KIF2C: variants seen among roughly 807,000 people sequenced by gnomAD.
The protein encoded by KIF2C is kinesin family member 2C, also known as kinesin-like protein KIF2C.
KIF2C carries 34 observed loss-of-function variants against 97.4 expected under a neutral mutation model. The observed-to-expected ratio is 0.35, with a 90% CI of 0.27 to 0.46. The LOEUF (loss-of-function observed/expected upper bound fraction) is 0.46, where lower values mean the gene tolerates loss of function less well. Among genes scored for constraint, KIF2C ranks in the 20% least tolerant of loss-of-function variants. The pLI is 1.00. For missense variants in KIF2C, 750 were observed against 907.6 expected (o/e 0.83, Z 2.23); for synonymous variants, 313 against 318.2 (o/e 0.98, Z 0.17).
In KIF2C at chr1:44,759,253, C is replaced by T. The variant is rs76314761; in HGVS notation, c.1272C>T (p.Asp424=). 3,425 of 1,614,134 alleles carry T rather than the reference C, an allele frequency of 2.1e-3. 115 individuals carry two copies. In the East Asian group the frequency reaches 0.069, roughly 33 times the overall value. Residue 424 remains aspartate (D), a synonymous_variant, in exon 14 of 21, where the codon GAC becomes GAT. Transcript: ENST00000372224. ...AGGCCAAGCTGCGCGTGCTGGAGGA[C>T]GGCAAGCAACAGGTGCAAGTGGTGG... The part of the protein sequence containing the change: ...NKKAKLRVLE[D]GKQQVQVVGL...
rs1385305291 is a variant in KIF2C, at chr1:44,756,244, C to T, written c.977+7C>T. On this transcript the variant is annotated splice_region_variant and intron_variant, in intron 10 of 20. Coordinates refer to ENST00000372224, the MANE Select transcript of KIF2C (RefSeq NM_006845.4). ...CGAATGAAGTTGTCTACAGGTTAGT[C>T]CCTTGCATCCATTTTTCCCTCCTTG... is the stretch of plus-strand genomic sequence containing the variant. The T allele has an allele frequency of 6.8e-6, 11 of 1,612,174 alleles. No homozygotes were observed. The highest frequency in any genetic ancestry group is 1.1e-5 in the South Asian group (1 of 91,056).
Position 44,757,787 on chromosome 1 carries a change from G to C in KIF2C, c.1069-121G>C, listed in dbSNP as rs1055776979. The C allele has an allele frequency of 2.4e-4, 277 of 1,171,184 alleles. 2 individuals carry two copies. The South Asian group carries it at 2.8e-3, about 12-fold the overall frequency. 72.5% of individuals were successfully genotyped at this position (1,171,184 alleles called of 1,614,324 possible). A position where few individuals can be genotyped will look rare whatever the true frequency, so the allele number is the denominator to read the frequency against. The stretch of plus-strand genomic sequence containing the variant: ...AGATAGCCTTGCCATGTCAGATGCA[G>C]GGAGGGGCTTTAGGTCCAGCCTTCT... On this transcript the variant is annotated intron_variant, in intron 11 of 20. Transcript: ENST00000372224.
At chr1:44,766,983 T>C (rs1275980420) in intron 20 of KIF2C, 34 bp downstream of exon 20, 5 of 1,613,354 alleles carry the variant, frequency 3.1e-6, no homozygotes, top group African/African-American at 2.7e-5. Flanking sequence ...AGGTGGACGA[T>C]GGTGGCCTCT....
chr1:44,754,960 A>AT, intron 8 of KIF2C, 115 bp downstream of exon 8: 4 of 659,754 alleles, frequency 6.1e-6, no homozygotes, highest in Admixed American at 2.9e-5. Flanking sequence ...GGGTTTTATT[A>AT]TTATTTTTTT....
At chr1:44,748,654 CCTCAGCCTCCCAT>C (rs1378794176) in intron 4 of KIF2C, among the ~76,000 whole-genome samples, 1 of 152,118 alleles carries the variant, frequency 6.6e-6, no homozygotes, top group Non-Finnish European at 1.5e-5. Flanking sequence ...AATCCTCCCA[CCTCAGCCTCCCAT>C]GTAGCTGGGA....
chr1:44,761,093 A>G lies in KIF2C; in HGVS notation c.1683+391A>G, dbSNP rs1007248035. 21 of 218,668 alleles carry G rather than the reference A, an allele frequency of 9.6e-5. 1 individual carries two copies. The highest frequency in any genetic ancestry group is 2.8e-5 in the Non-Finnish European group (3 of 108,126). The allele number at this position is 218,668 out of a possible 1,614,324, so 13.5% of individuals were successfully genotyped here. A position where few individuals can be genotyped will look rare whatever the true frequency, so the allele number is the denominator to read the frequency against. ...CTAGAAAATAGAAATAGCCTGGATC[A>G]TAAGGCTGTGTCCTTGAATGACGTC... On this transcript the variant is annotated intron_variant, in intron 16 of 20. Transcript: ENST00000372224.
chr1:44,741,755 G>A (rs1648946299), intron 2 of KIF2C, among the ~76,000 whole-genome samples: 1 of 152,038 alleles, frequency 6.6e-6, no homozygotes, highest in African/African-American at 2.4e-5. Context: ...TTGGGAGGCC[G>A]AGGTGGGCAG....
intron 7 of KIF2C, among the ~76,000 whole-genome samples, chr1:44,754,206 C>CTGT (rs1649692711): frequency 1.3e-5 from 2 of 152,106 alleles, no homozygotes; most frequent in African/African-American, 4.8e-5. Context: ...TAGGCATGAG[C>CTGT]TGTTGCGCCT....
rs1557599436 is a variant in KIF2C at position 44,760,232 on chromosome 1, C to T, written c.1368-48C>T. On this transcript the variant is annotated intron_variant, in intron 14 of 20. Transcript: ENST00000372224. The surrounding 1 kb of genome is among the most constrained non-coding windows in gnomAD (Gnocchi z 4.2). ...TAGAGAACTTCTGTGGACTTGGGTG[C>T]CATGGGGGCTGGTGACCACAGAATC... 1.9e-6 allele frequency: 3 copies of T among 1,560,776 alleles called. No individual in the cohort carries two copies. The highest frequency in any genetic ancestry group is 2.2e-5 in the East Asian group (1 of 44,554).
intron 2 of KIF2C, among the ~76,000 whole-genome samples, chr1:44,741,614 G>C (rs1235184674): frequency 6.6e-6 from 1 of 152,084 alleles, no homozygotes; most frequent in Non-Finnish European, 1.5e-5. Context: ...TAGCCTGGGA[G>C]GTTGAGGCTG....
Position 44,757,962 on chromosome 1 carries a change from G to T in KIF2C, c.1123G>T (p.Ala375Ser). The stretch of plus-strand genomic sequence containing the variant: ...CCAGAATGCATCCAAAGGGATCTAT[G>T]CCATGGCCTGTAAGTACTGTGTACT... ...KAQNASKGIY[A>S]MASRDVFLLK... Residue 375 changes from alanine to serine, a missense_variant, in exon 12 of 21, where the codon GCC becomes TCC. Ala to Ser is a moderately conservative substitution (Grantham distance 99, BLOSUM62 1). Coordinates refer to ENST00000372224, the MANE Select transcript of KIF2C (RefSeq NM_006845.4). 1 of 1,614,210 alleles carries T rather than the reference G, an allele frequency of 6.2e-7. No homozygotes were observed. Among genetic ancestry groups the T allele is most frequent in the Non-Finnish European group, 8.5e-7 (1 of 1,180,034 alleles).
chr1:44,767,223 C>T lies in KIF2C; in HGVS notation c.*44C>T, dbSNP rs760795559. ...TGTTTGGTTTGACACCCAGCCTCTT[C>T]CCTGGCCCTCCCCAGAGAACTTTGG... On this transcript the variant is annotated 3_prime_UTR_variant, in exon 21 of 21. Transcript: ENST00000372224. 6.4e-6 allele frequency: 10 copies of T among 1,557,812 alleles called. No homozygotes were observed. Among genetic ancestry groups the T allele is most frequent in the African/African-American group, 2.7e-5 (2 of 73,944 alleles).
chr1:44,756,281 C>G, intron 10 of KIF2C, 44 bp downstream of exon 10: 1 of 1,593,380 alleles, frequency 6.3e-7, no homozygotes, highest in Non-Finnish European at 8.6e-7. Context: ...GCCCTTCCAT[C>G]CCCTTTTTTT....
chr1:44,748,545 T>G (rs1438504688), intron 4 of KIF2C, among the ~76,000 whole-genome samples: 1 of 152,054 alleles, frequency 6.6e-6, no homozygotes, highest in African/African-American at 2.4e-5. Flanking sequence ...AGCTTTGTTT[T>G]GTTTTGTTTT....
chr1:44,740,186 G>C, intron 1 of KIF2C, 184 bp downstream of exon 1: 1 of 719,672 alleles, frequency 1.4e-6, no homozygotes, highest in Non-Finnish European at 2.4e-6. Flanking sequence ...GAGAGTCCCT[G>C]CGCTGTACGT....
chr1:44,740,186 G>A, intron 1 of KIF2C, 184 bp downstream of exon 1: 2 of 719,672 alleles, frequency 2.8e-6, no homozygotes, highest in Non-Finnish European at 4.9e-6. Flanking sequence ...GAGAGTCCCT[G>A]CGCTGTACGT....
intron 8 of KIF2C, 38 bp downstream of exon 8, chr1:44,754,883 C>T (rs556559452): frequency 1.6e-6 from 2 of 1,255,258 alleles, no homozygotes; most frequent in African/African-American, 1.5e-5. Context: ...CTTAAGTGTA[C>T]AATTGAGAGA....
At position 44,759,316 on chromosome 1, in the gene KIF2C, C is replaced by A; in HGVS notation, c.1335C>A (p.Val445=). ...ATCTGGTTAACTCTGCTGATGATGTCATCAAGATGATCGACATGGGCAGCG... is the reference window on the plus strand; with the variant it reads ...ATCTGGTTAACTCTGCTGATGATGTAATCAAGATGATCGACATGGGCAGCG... ...QEHLVNSADD[V]IKMIDMGSAC... Residue 445 remains valine (V), a synonymous_variant, in exon 14 of 21, where the codon GTC becomes GTA. Coordinates refer to ENST00000372224, the MANE Select transcript of KIF2C (RefSeq NM_006845.4). 6.2e-7 allele frequency: 1 copy of A among 1,614,168 alleles called. No homozygotes were observed. The highest frequency in any genetic ancestry group is 1.1e-5 in the South Asian group (1 of 91,068).
intron 5 of KIF2C, 91 bp from the exon 6 acceptor site, chr1:44,753,041 G>T (rs562983411): frequency 2.7e-6 from 4 of 1,480,570 alleles, no homozygotes; most frequent in Middle Eastern, 2.5e-4. Context: ...CAGGCAGGTC[G>T]CTCTCCCGGC....
Sources: gnomAD v4.1 joint callset for allele counts (sites outside exome capture counted in the v4.1 genomes callset) on GRCh38, gnomAD v4.1.1 for gene constraint, Gnocchi (gnomAD v3.1) non-coding constraint, MANE v1.5 for transcripts, NCBI Gene and HGNC (gene_info 2026-07-23, HGNC 2026-07-21) for gene names.